Variants in ROBO1 observed in about 807,000 individuals in gnomAD.
The protein encoded by ROBO1 is roundabout guidance receptor 1.
ROBO1 carries 149 observed loss-of-function variants against 195.9 expected under a neutral mutation model. That is an observed-to-expected ratio of 0.76 (90% CI 0.67 to 0.87). The LOEUF is 0.87. Among genes scored for constraint, ROBO1 ranks in the 40% least tolerant of loss-of-function variants. The probability of loss-of-function intolerance (pLI) is 0.00; values close to 1 mark genes in which losing one functional copy is unlikely to be tolerated. For synonymous variants in ROBO1, 816 were observed against 733.2 expected, an observed-to-expected ratio of 1.11 and a Z score of -1.82; for missense variants, 1,933 against 2,068.3, an observed-to-expected ratio of 0.93 and a Z score of 1.27.
intron 2 of ROBO1, among the ~76,000 whole-genome samples, chr3:79,256,342 T>G (rs942075718): frequency 6.6e-6 from 1 of 152,150 alleles, no homozygotes; most frequent in African/African-American, 2.4e-5. Flanking sequence ...TCTAAGCACT[T>G]TCAATAGACA....
At chr3:78,698,129 G>C (rs1182945232) in intron 8 of ROBO1, among the ~76,000 whole-genome samples, 1 of 152,034 alleles carries the variant, frequency 6.6e-6, no homozygotes, top group African/African-American at 2.4e-5. Context: ...CCACATTCCA[G>C]AGAATACAAA....
At chr3:78,719,507 AAT>A (rs931291654) in intron 5 of ROBO1, among the ~76,000 whole-genome samples, 11 of 152,108 alleles carry the variant, frequency 7.2e-5, no homozygotes, top group Middle Eastern at 3.2e-3. Context: ...ATTTACCATG[AAT>A]ATATGTTTAT....
At chr3:79,471,025 A>T (rs1358928802) in intron 2 of ROBO1, among the ~76,000 whole-genome samples, 2 of 152,120 alleles carry the variant, frequency 1.3e-5, no homozygotes, top group African/African-American at 4.8e-5. Context: ...GTTGATTTTC[A>T]ACAAATGTGA....
intron 3 of ROBO1, among the ~76,000 whole-genome samples, chr3:79,024,890 C>A (rs936901242): frequency 6.6e-6 from 1 of 152,072 alleles, no homozygotes; most frequent in African/African-American, 2.4e-5. Context: ...TAAGTCACTG[C>A]ACTTCTAAGC....
chr3:78,688,171 C>G (rs1459794284), intron 9 of ROBO1, among the ~76,000 whole-genome samples: 1 of 152,092 alleles, frequency 6.6e-6, no homozygotes, highest in Non-Finnish European at 1.5e-5. Flanking sequence ...TTGAATATAA[C>G]AAACTATATT....
rs375231014 is a variant in ROBO1, at chr3:79,110,657, T to C, written c.172+14799A>G. ...TTTTTTTTTGGAGTCAGGGTCTTGC[T>C]CTGTGCCCAGGCTGGGGTGCAGTGG... On this transcript the variant is annotated intron_variant, in intron 3 of 30. Coordinates refer to ENST00000464233, the MANE Select transcript of ROBO1 (RefSeq NM_002941.4). Among the ~76,000 whole-genome samples, 51 of 148,670 alleles carry C rather than the reference T, an allele frequency of 3.4e-4. 1 individual carries two copies. In the East Asian group the frequency reaches 6.6e-3, roughly 19 times the overall value.
chr3:78,758,793 ACT>A (rs2083011897), intron 4 of ROBO1, among the ~76,000 whole-genome samples: 1 of 147,734 alleles, frequency 6.8e-6, no homozygotes, highest in Admixed American at 6.8e-5. Context: ...TGAACCTCTC[ACT>A]CTCAGTATCA....
At chr3:78,662,478 C>A (rs1707484253) in intron 14 of ROBO1, among the ~76,000 whole-genome samples, 2 of 152,100 alleles carry the variant, frequency 1.3e-5, no homozygotes, top group South Asian at 4.1e-4. Flanking sequence ...TGAAAACCTT[C>A]TGTAGTGATC....
At chr3:78,950,879 G>A (rs2040740429) in intron 3 of ROBO1, among the ~76,000 whole-genome samples, 1 of 151,806 alleles carries the variant, frequency 6.6e-6, no homozygotes, top group Admixed American at 6.6e-5. Context: ...AGCTTACATT[G>A]CTGAGTAAAT....
At chr3:79,189,206 C>A (rs2081495084) in intron 2 of ROBO1, among the ~76,000 whole-genome samples, 1 of 151,706 alleles carries the variant, frequency 6.6e-6, no homozygotes. Context: ...CATCTATTAA[C>A]ATCAGGAATA....
At chr3:78,986,163 C>T (rs1430540279) in intron 3 of ROBO1, among the ~76,000 whole-genome samples, 1 of 152,060 alleles carries the variant, frequency 6.6e-6, no homozygotes, top group Non-Finnish European at 1.5e-5. Flanking sequence ...GATACATTTG[C>T]TTTGAGCCAA....
intron 2 of ROBO1, among the ~76,000 whole-genome samples, chr3:79,232,268 T>C (rs2082334113): frequency 3.4e-5 from 5 of 147,852 alleles, no homozygotes; most frequent in Admixed American, 3.4e-4. Context: ...AAAATATATA[T>C]ATATAAAATC....
At chr3:79,168,137 T>C (rs764326404) in intron 2 of ROBO1, among the ~76,000 whole-genome samples, 14 of 152,190 alleles carry the variant, frequency 9.2e-5, no homozygotes, top group African/African-American at 2.9e-4. Flanking sequence ...CAGTATTCTT[T>C]AGATTTGCTG....
At chr3:79,687,108 A>G (rs1399397682) in intron 1 of ROBO1, among the ~76,000 whole-genome samples, 1 of 152,104 alleles carries the variant, frequency 6.6e-6, no homozygotes, top group Non-Finnish European at 1.5e-5. Flanking sequence ...GAAAAACAAG[A>G]AATGGGGAAA....
At chr3:79,547,368 G>T (rs1375494664) in intron 2 of ROBO1, among the ~76,000 whole-genome samples, 3 of 151,928 alleles carry the variant, frequency 2.0e-5, no homozygotes, top group Non-Finnish European at 2.9e-5. Context: ...GATTTTATAT[G>T]AACGTGAGGA....
chr3:78,731,098 G>A (rs1397003437), intron 5 of ROBO1, among the ~76,000 whole-genome samples: 1 of 152,066 alleles, frequency 6.6e-6, no homozygotes, highest in South Asian at 2.1e-4. Flanking sequence ...AAGAGAAAAT[G>A]ATCTGTGTAA....
chr3:79,615,964 G>T (rs1482968918), intron 1 of ROBO1, among the ~76,000 whole-genome samples: 1 of 152,196 alleles, frequency 6.6e-6, no homozygotes, highest in Admixed American at 6.6e-5. Flanking sequence ...ATTGCAGCAA[G>T]AGTCTAGCAG....
At chr3:79,290,394 T>C (rs912829586) in intron 2 of ROBO1, among the ~76,000 whole-genome samples, 4 of 152,224 alleles carry the variant, frequency 2.6e-5, no homozygotes, top group Middle Eastern at 3.4e-3. Context: ...AGGACACAGA[T>C]GTTTCAAATC....
At chr3:78,818,821 G>A (rs771560216) in intron 4 of ROBO1, among the ~76,000 whole-genome samples, 2 of 152,128 alleles carry the variant, frequency 1.3e-5, no homozygotes, top group East Asian at 1.9e-4. Flanking sequence ...TCACAGTTTC[G>A]CTTTCGGAGG....
Sources: allele counts gnomAD v4.1 joint callset (sites outside exome capture counted in the v4.1 genomes callset), GRCh38; gene constraint gnomAD v4.1.1; transcripts MANE v1.5; gene names NCBI Gene and HGNC (gene_info 2026-07-23, HGNC 2026-07-21).